LRP1B: variants seen among roughly 807,000 people sequenced by gnomAD.
LRP1B encodes LDL receptor related protein 1B, also known as low-density lipoprotein receptor-related protein 1B.
LRP1B carries 217 observed loss-of-function variants against 556.6 expected under a neutral mutation model. The observed-to-expected ratio is 0.39, with a 90% CI of 0.35 to 0.44. The LOEUF is 0.44. LRP1B is among the 20% of genes least tolerant of loss of function. The pLI is 1.00. For synonymous variants in LRP1B, 2,047 were observed against 1,865.8 expected, an observed-to-expected ratio of 1.10 and a Z score of -2.50; for missense variants, 5,053 against 5,620.8, an observed-to-expected ratio of 0.90 and a Z score of 3.23.
chr2:141,909,407 A>G (rs903235681), intron 1 of LRP1B, among the ~76,000 whole-genome samples: 4 of 151,864 alleles, frequency 2.6e-5, no homozygotes, highest in African/African-American at 9.7e-5. Flanking sequence ...ACTATAATTT[A>G]CTCATTCCCA....
intron 3 of LRP1B, among the ~76,000 whole-genome samples, chr2:141,480,141 C>T (rs1682863267): frequency 6.6e-6 from 1 of 150,522 alleles, no homozygotes; most frequent in African/African-American, 2.5e-5. Context: ...TTTAAGAGCC[C>T]AACTTCAAAG....
At chr2:140,938,292 T>C (rs1050096551) in intron 20 of LRP1B, among the ~76,000 whole-genome samples, 6 of 151,914 alleles carry the variant, frequency 3.9e-5, no homozygotes, top group Non-Finnish European at 7.4e-5. Flanking sequence ...GTCCAAACTA[T>C]CACAATGAAA....
chr2:142,105,894 T>G (rs1706729662), intron 1 of LRP1B, among the ~76,000 whole-genome samples: 1 of 152,178 alleles, frequency 6.6e-6, no homozygotes, highest in Non-Finnish European at 1.5e-5. Flanking sequence ...AGATAAAATA[T>G]CATTTAACCC....
At chr2:141,114,868 C>T (rs1342772823) in intron 7 of LRP1B, among the ~76,000 whole-genome samples, 1 of 135,284 alleles carries the variant, frequency 7.4e-6, no homozygotes, top group Non-Finnish European at 1.6e-5. Flanking sequence ...TGAAAACAGG[C>T]ATACTAATGC....
At chr2:140,311,497 G>A (rs1180476648) in intron 83 of LRP1B, among the ~76,000 whole-genome samples, 1 of 151,756 alleles carries the variant, frequency 6.6e-6, no homozygotes, top group African/African-American at 2.4e-5. Context: ...ACATGTTGTG[G>A]AATAATAGAC....
chr2:141,122,318 T>C (rs1381438130), intron 7 of LRP1B, among the ~76,000 whole-genome samples: 1 of 151,100 alleles, frequency 6.6e-6, no homozygotes, highest in Non-Finnish European at 1.5e-5. Flanking sequence ...ACAGGCAACC[T>C]ACAGAATGGG....
At chr2:140,991,688 T>A (rs1697097059) in intron 16 of LRP1B, among the ~76,000 whole-genome samples, 1 of 152,270 alleles carries the variant, frequency 6.6e-6, no homozygotes, top group South Asian at 2.1e-4. Context: ...TAAAGAATTG[T>A]ACAGCAGATG....
intron 41 of LRP1B, among the ~76,000 whole-genome samples, chr2:140,623,692 G>T (rs1475149206): frequency 6.6e-6 from 1 of 151,910 alleles, no homozygotes; most frequent in East Asian, 1.9e-4. Flanking sequence ...ACCAAGGTGG[G>T]TGGATCACCT....
chr2:141,664,562 C>T (rs1422856923), intron 2 of LRP1B, among the ~76,000 whole-genome samples: 2 of 152,118 alleles, frequency 1.3e-5, no homozygotes, highest in Admixed American at 1.3e-4. Context: ...AATACACCAA[C>T]AATAGACAGG....
intron 35 of LRP1B, among the ~76,000 whole-genome samples, chr2:140,734,814 T>C (rs1482622008): frequency 6.6e-6 from 1 of 152,164 alleles, no homozygotes; most frequent in African/African-American, 2.4e-5. Context: ...ATTGGCTTGA[T>C]AGGTGACAGT....
intron 20 of LRP1B, among the ~76,000 whole-genome samples, chr2:140,934,951 A>C (rs370214014): frequency 1.6e-3 from 243 of 152,314 alleles, no homozygotes; most frequent in Middle Eastern, 3.4e-3. Context: ...ATACCAAGGG[A>C]AAGTCACAGG....
At chr2:140,479,773 T>C (rs1458595328) in intron 59 of LRP1B, among the ~76,000 whole-genome samples, 7 of 152,206 alleles carry the variant, frequency 4.6e-5, no homozygotes, top group African/African-American at 1.4e-4. Context: ...TAAAAATTGG[T>C]TTAAAAAAGT....
intron 3 of LRP1B, among the ~76,000 whole-genome samples, chr2:141,465,341 A>G (rs1682142968): frequency 6.6e-6 from 1 of 151,788 alleles, no homozygotes; most frequent in Non-Finnish European, 1.5e-5. Context: ...AGAAATGGGG[A>G]AAAAATGGAA....
At chr2:141,816,838 G>A (rs1026481255) in intron 1 of LRP1B, among the ~76,000 whole-genome samples, 6 of 151,328 alleles carry the variant, frequency 4.0e-5, no homozygotes, top group African/African-American at 7.3e-5. Context: ...TTTACCTAAC[G>A]AGCCTATGTT....
chr2:141,986,120 A>G (rs1702180777), intron 1 of LRP1B, among the ~76,000 whole-genome samples: 1 of 151,934 alleles, frequency 6.6e-6, no homozygotes, highest in Non-Finnish European at 1.5e-5. Context: ...CTGAGGCCCT[A>G]AATTCTTATT....
intron 1 of LRP1B, among the ~76,000 whole-genome samples, chr2:142,044,070 C>T (rs1704160480): frequency 6.6e-6 from 1 of 151,610 alleles, no homozygotes; most frequent in South Asian, 2.1e-4. Flanking sequence ...TTATGTCTAT[C>T]ACAATTATTT....
intron 83 of LRP1B, among the ~76,000 whole-genome samples, chr2:140,310,140 T>G (rs1207144290): frequency 1.3e-5 from 2 of 151,766 alleles, no homozygotes; most frequent in African/African-American, 4.8e-5. Flanking sequence ...CTCCCCAAAC[T>G]CCTGCATATA....
At chr2:141,534,491 A>G (rs1379394399) in intron 2 of LRP1B, among the ~76,000 whole-genome samples, 1 of 152,118 alleles carries the variant, frequency 6.6e-6, no homozygotes, top group Admixed American at 6.6e-5. Flanking sequence ...CGTGGTACTT[A>G]AATCTCTCTT....
chr2:141,471,408 C>T (rs1171969653), intron 3 of LRP1B, among the ~76,000 whole-genome samples: 2 of 151,780 alleles, frequency 1.3e-5, no homozygotes, highest in Non-Finnish European at 2.9e-5. Context: ...GGTTCAAACT[C>T]CTCTCACTAC....
Sources: allele counts gnomAD v4.1 joint callset (sites outside exome capture counted in the v4.1 genomes callset), GRCh38; gene constraint gnomAD v4.1.1; transcripts MANE v1.5; gene names NCBI Gene and HGNC (gene_info 2026-07-23, HGNC 2026-07-21).